NCAM1: variants seen among roughly 807,000 people sequenced by gnomAD.
The protein encoded by NCAM1 is neural cell adhesion molecule 1, also known as antigen recognized by monoclonal antibody 5.1H11.
In NCAM1, 14 loss-of-function variants were observed where a neutral mutation model predicts 109.8. The observed-to-expected ratio is 0.13, with a 90% CI of 0.08 to 0.20. The LOEUF is 0.20. Ranked by LOEUF, NCAM1 falls within the 10% of genes least tolerant of loss-of-function variation. NCAM1 has a pLI of 1.00. For missense variants in NCAM1, 774 were observed against 1,109.9 expected, an observed-to-expected ratio of 0.70 and a Z score of 4.30; for synonymous variants, 418 against 442.9, an observed-to-expected ratio of 0.94 and a Z score of 0.70.
chr11:113,028,918 A>T (rs782361664), intron 1 of NCAM1, among the ~76,000 whole-genome samples: 18 of 152,200 alleles, frequency 1.2e-4, no homozygotes, highest in Non-Finnish European at 2.2e-4. Flanking sequence ...ATACCTCTTA[A>T]GTAGAACTAG....
intron 1 of NCAM1, among the ~76,000 whole-genome samples, chr11:113,118,282 A>C (rs544397539): frequency 6.2e-4 from 94 of 151,964 alleles, no homozygotes; most frequent in African/African-American, 2.0e-3. Flanking sequence ...TGTCTTGGAG[A>C]GGAGTCCTGC....
intron 10 of NCAM1, 58 bp from the exon 11 acceptor site, chr11:113,232,112 G>A: frequency 6.7e-7 from 1 of 1,482,300 alleles, no homozygotes. Context: ...CAGGAGACAG[G>A]ATATGGGGGC....
chr11:113,139,853 T>G (rs1360317733), intron 1 of NCAM1, among the ~76,000 whole-genome samples: 1 of 152,212 alleles, frequency 6.6e-6, no homozygotes, highest in South Asian at 2.1e-4. Flanking sequence ...CATAGAAATG[T>G]GGAATATTCA....
chr11:113,270,661 T>A, intron 18 of NCAM1: 1 of 501,106 alleles, frequency 2.0e-6, no homozygotes, highest in Non-Finnish European at 3.6e-6. Context: ...CCTGTGTAGG[T>A]CAAAATGAGG....
At chr11:112,973,269 C>T (rs1950929429) in intron 1 of NCAM1, among the ~76,000 whole-genome samples, 1 of 151,852 alleles carries the variant, frequency 6.6e-6, no homozygotes, top group Non-Finnish European at 1.5e-5. Flanking sequence ...TTTGAGTGTC[C>T]ATTCTGTTCA....
intron 1 of NCAM1, among the ~76,000 whole-genome samples, chr11:113,075,099 C>G (rs933128245): frequency 6.6e-6 from 1 of 152,106 alleles, no homozygotes; most frequent in Non-Finnish European, 1.5e-5. Flanking sequence ...CAGGATCTCA[C>G]TCTGTCACCC....
intron 1 of NCAM1, among the ~76,000 whole-genome samples, chr11:113,186,384 C>T (rs979478301): frequency 6.6e-6 from 1 of 152,232 alleles, no homozygotes; most frequent in Non-Finnish European, 1.5e-5. Flanking sequence ...CCTCCCAACC[C>T]TCTGCCGGTC....
At chr11:113,253,248 C>T (rs1320624860) in intron 15 of NCAM1, among the ~76,000 whole-genome samples, 4 of 151,972 alleles carry the variant, frequency 2.6e-5, no homozygotes, top group African/African-American at 9.7e-5. Flanking sequence ...TTTTCAAAGA[C>T]AAAACTTTTG....
At chr11:113,231,954 C>A (rs1335300978) in intron 10 of NCAM1, among the ~76,000 whole-genome samples, 159 bp downstream of exon 10, 1 of 152,130 alleles carries the variant, frequency 6.6e-6, no homozygotes, top group Admixed American at 6.5e-5. Context: ...TCCCAAGCCA[C>A]CCCCTACACA....
intron 1 of NCAM1, among the ~76,000 whole-genome samples, chr11:113,200,339 C>T (rs1477077851): frequency 6.6e-6 from 1 of 152,196 alleles, no homozygotes; most frequent in Non-Finnish European, 1.5e-5. Flanking sequence ...GCATGGATAG[C>T]ACTGGCCTGC....
At position 112,962,378 on chromosome 11, in the gene NCAM1, T is replaced by C. The variant is rs1446032229; in HGVS notation, c.52+714T>C. 1.3e-5 allele frequency among the ~76,000 whole-genome samples: 2 copies of C among 151,984 alleles called. No homozygotes were observed. Among genetic ancestry groups the C allele is most frequent in the Non-Finnish European group, 2.9e-5 (2 of 67,974 alleles). On this transcript the variant is annotated intron_variant, in intron 1 of 19. Transcript: ENST00000316851. This position sits in a 1 kb window ranked among gnomAD's most constrained non-coding sequence, Gnocchi z 5.6. The stretch of plus-strand genomic sequence containing the variant: ...GGATGGGAGGGTCGAGCGCCGCGTT[T>C]TGACAGGAGGAAGTGCGGAGGGGCG...
intron 7 of NCAM1, among the ~76,000 whole-genome samples, chr11:113,208,702 G>T (rs1322183939): frequency 5.3e-5 from 8 of 151,516 alleles, no homozygotes; most frequent in African/African-American, 1.9e-4. Flanking sequence ...TATCTTCTTT[G>T]CTGTACTTAA....
chr11:113,205,683 C>A lies in NCAM1; in HGVS notation c.490+17C>A. 6.2e-7 allele frequency: 1 copy of A among 1,610,090 alleles called. No individual in the cohort carries two copies. Among genetic ancestry groups the A allele is most frequent in the Middle Eastern group, 1.7e-4 (1 of 6,040 alleles). On this transcript the variant is annotated intron_variant, in intron 4 of 19. Coordinates refer to ENST00000316851, the MANE Select transcript of NCAM1 (RefSeq NM_181351.5). ...AAAAAGATGGTGAGACCTGAATTTC[C>A]TGGCATCTGCCTTTTCCCCAGGCCA...
In NCAM1 at chr11:113,027,229, T is replaced by C. The variant is rs547992503; in HGVS notation, c.52+65565T>C. 8.5e-4 allele frequency among the ~76,000 whole-genome samples: 130 copies of C among 152,390 alleles called. 2 individuals carry two copies. Among genetic ancestry groups the C allele is most frequent in the Admixed American group, 6.8e-3 (104 of 15,308 alleles). ...AACAAAAGCCTAGGAATTATGTTTA[T>C]GTGTTTTCCAAATGAAGAAAAGAAA... is the stretch of plus-strand genomic sequence containing the variant. On this transcript the variant is annotated intron_variant, in intron 1 of 19. Transcript: ENST00000316851.
At position 113,095,338 on chromosome 11, in the gene NCAM1, A is replaced by G. The variant is rs537367508; in HGVS notation, c.53-107041A>G. Among the ~76,000 whole-genome samples the G allele has an allele frequency of 6.1e-4, 84 of 137,604 alleles. 1 individual carries two copies. The East Asian group carries it at 0.013, about 21-fold the overall frequency. 90.3% of individuals were successfully genotyped at this position (137,604 alleles called of 152,430 possible). A position where few individuals can be genotyped will look rare whatever the true frequency, so the allele number is the denominator to read the frequency against. ...TGCGTGTGTGTGTGTGTGTATATGT[A>G]TGTGCTTATCTAACTCATAGACTGA... On this transcript the variant is annotated intron_variant, in intron 1 of 19. Coordinates refer to ENST00000316851, the MANE Select transcript of NCAM1 (RefSeq NM_181351.5).
chr11:113,265,187 G>GT lies in NCAM1; in HGVS notation c.2131+4866dup, dbSNP rs532666393. 1,129 of 984,456 alleles carry GT rather than the reference G, an allele frequency of 1.1e-3. 2 individuals are homozygous for GT. The highest frequency in any genetic ancestry group is 1.3e-3 in the Non-Finnish European group (1,065 of 829,058). 61.0% of individuals were successfully genotyped at this position (984,456 alleles called of 1,614,324 possible). On this transcript the variant is annotated intron_variant, in intron 17 of 19. Transcript: ENST00000316851. The stretch of plus-strand genomic sequence containing the variant: ...CTTTGCATTATTAAAGGAAATAACA[G>GT]TTCATGTGAACTCACCAGCGTGGCT...
intron 1 of NCAM1, among the ~76,000 whole-genome samples, chr11:113,143,183 ATT>A (rs11295314): frequency 6.6e-6 from 1 of 152,088 alleles, no homozygotes; most frequent in Non-Finnish European, 1.5e-5. Context: ...TGTATTATGT[ATT>A]TTTTTCCCCA....
At chr11:113,065,206 G>A in intron 1 of NCAM1, among the ~76,000 whole-genome samples, 1 of 151,938 alleles carries the variant, frequency 6.6e-6, no homozygotes, top group Non-Finnish European at 1.5e-5. Context: ...TAAAAGTATT[G>A]GATTATAACC....
At chr11:113,158,635 A>G (rs782071643) in intron 1 of NCAM1, among the ~76,000 whole-genome samples, 5 of 152,186 alleles carry the variant, frequency 3.3e-5, no homozygotes, top group Non-Finnish European at 7.3e-5. Flanking sequence ...TTTTAAAACT[A>G]TCTCCTTAAG....
Sources: allele counts gnomAD v4.1 joint callset (sites outside exome capture counted in the v4.1 genomes callset), GRCh38; gene constraint gnomAD v4.1.1; non-coding constraint Gnocchi (gnomAD v3.1); transcripts MANE v1.5; gene names NCBI Gene and HGNC (gene_info 2026-07-23, HGNC 2026-07-21).